JAK1: variants seen among roughly 807,000 people sequenced by gnomAD.
JAK1 encodes Janus kinase 1.
A neutral mutation model predicts 136.6 loss-of-function variants in JAK1; 16 were observed. That is an observed-to-expected ratio of 0.12 (90% CI 0.08 to 0.18). JAK1 has a LOEUF of 0.18. Ranked by LOEUF, JAK1 falls within the 10% of genes least tolerant of loss-of-function variation. The pLI is 1.00. For synonymous variants in JAK1, 492 were observed against 519.5 expected, an observed-to-expected ratio of 0.95 and a Z score of 0.72; for missense variants, 859 against 1,450.1, an observed-to-expected ratio of 0.59 and a Z score of 6.62.
rs138922217 is a variant in JAK1 at position 64,852,074 on chromosome 1, C to T, written c.1649-1164G>A. Among the ~76,000 whole-genome samples the T allele has an allele frequency of 2.6e-4, 40 of 152,326 alleles. 1 individual carries two copies. The highest frequency in any genetic ancestry group is 9.4e-4 in the African/African-American group (39 of 41,556). ...GCCACGTCTCTAATCCCTGCTATCC[C>T]TCAGGACAGGGCATTCTTTTCCTTT... On this transcript the variant is annotated intron_variant, in intron 11 of 24. Coordinates refer to ENST00000342505, the MANE Select transcript of JAK1 (RefSeq NM_002227.4).
At chr1:64,898,744 C>T (rs989124425) in intron 1 of JAK1, among the ~76,000 whole-genome samples, 5 of 152,172 alleles carry the variant, frequency 3.3e-5, no homozygotes, top group African/African-American at 1.2e-4. Flanking sequence ...CAGGAGCTTG[C>T]ATGAATGCTT....
intron 1 of JAK1, among the ~76,000 whole-genome samples, chr1:64,950,355 C>A (rs145166507): frequency 2.0e-5 from 3 of 150,592 alleles, no homozygotes; most frequent in Non-Finnish European, 4.4e-5. Context: ...TGCAGTGAGC[C>A]GAGATCATGC....
In JAK1 at chr1:64,836,091, G is replaced by T; in HGVS notation, c.3258+7C>A. ...TGGATTCAAATGAAGAGAAAAGTAGGACTTACAGCCATGGGACTAGAATCT... is the reference window on the plus strand; with the variant it reads ...TGGATTCAAATGAAGAGAAAAGTAGTACTTACAGCCATGGGACTAGAATCT... On this transcript the variant is annotated splice_region_variant and intron_variant, in intron 23 of 24. Coordinates refer to ENST00000342505, the MANE Select transcript of JAK1 (RefSeq NM_002227.4). 6.7e-7 allele frequency: 1 copy of T among 1,490,490 alleles called. No homozygotes were observed. Among genetic ancestry groups the T allele is most frequent in the African/African-American group, 1.4e-5 (1 of 72,492 alleles). The allele number at this position is 1,490,490 out of a possible 1,614,324, so 92.3% of individuals were successfully genotyped here.
chr1:64,985,712 G>A (rs878960350), intron 2 of JAK1: 10 of 705,358 alleles, frequency 1.4e-5, no homozygotes, highest in Middle Eastern at 3.1e-4. Flanking sequence ...TGCAGAAGAG[G>A]CCAATAACCA....
At chr1:64,976,764 C>T (rs1646500505) in intron 2 of JAK1, among the ~76,000 whole-genome samples, 2 of 152,186 alleles carry the variant, frequency 1.3e-5, no homozygotes, top group African/African-American at 4.8e-5. Flanking sequence ...CCCCTTCCCT[C>T]AGCCTTTTAA....
At chr1:64,913,709 G>GAGGAAGGAAAGA (rs1553168181) in intron 1 of JAK1, among the ~76,000 whole-genome samples, 1 of 21,154 alleles carries the variant, frequency 4.7e-5, no homozygotes, top group Non-Finnish European at 9.9e-5. Context: ...GGAAAGAAGG[G>GAGGAAGGAAAGA]AGGGAGGGAG....
chr1:64,860,257 C>A lies in JAK1; in HGVS notation c.1182G>T (p.Leu394=), dbSNP rs2101074735. Residue 394 remains leucine, a synonymous_variant, in exon 9 of 25, where the codon CTG becomes CTT. Transcript: ENST00000342505. ...AGGCCTCCTCGTGGGAAGAGAGCTT[C>A]AGTTCCTGTTGAGAGAGAAGAAATT... ...INKQDNKKME[L]KLSSHEEALS... is the part of the protein sequence containing the mutation. 6.2e-7 allele frequency: 1 copy of A among 1,603,884 alleles called. No individual in the cohort carries two copies. The highest frequency in any genetic ancestry group is 8.5e-7 in the Non-Finnish European group (1 of 1,173,786).
intron 1 of JAK1, among the ~76,000 whole-genome samples, chr1:64,948,951 A>G (rs528617860): frequency 5.9e-5 from 9 of 152,320 alleles, no homozygotes; most frequent in Non-Finnish European, 1.0e-4. Context: ...AATCTACAGA[A>G]CTTACTGTCC....
intron 1 of JAK1, among the ~76,000 whole-genome samples, chr1:64,934,681 C>T (rs1645757481): frequency 6.6e-6 from 1 of 152,216 alleles, no homozygotes; most frequent in Non-Finnish European, 1.5e-5. Flanking sequence ...AAGTCCAGGT[C>T]AGATGCCTCA....
At chr1:64,839,013 G>A (rs973544243) in intron 20 of JAK1, among the ~76,000 whole-genome samples, 1 of 150,900 alleles carries the variant, frequency 6.6e-6, no homozygotes, top group African/African-American at 2.4e-5. Context: ...GGGCGTGATG[G>A]CGGGCGCCTG....
At chr1:64,871,980 C>A (rs1417274421) in intron 5 of JAK1, among the ~76,000 whole-genome samples, 2 of 152,194 alleles carry the variant, frequency 1.3e-5, no homozygotes, top group Non-Finnish European at 2.9e-5. Context: ...CTACAAGGCT[C>A]TGTGTATGCA....
chr1:65,038,318 C>T (rs1647096427), intron 2 of JAK1, among the ~76,000 whole-genome samples: 1 of 151,262 alleles, frequency 6.6e-6, no homozygotes, highest in African/African-American at 2.4e-5. Flanking sequence ...CCTGCCTCAG[C>T]TTGCTGAGTA....
In JAK1 at chr1:64,984,692, C is replaced by T; in HGVS notation, c.-78+59788G>A. ...TTCCAGATCTATTTGCATCGTGTGC[C>T]TGCCCCTCAAAGGCCTATGTGATAT... On this transcript the variant is annotated intron_variant, in intron 2 of 25. Coordinates refer to the JAK1 transcript ENST00000671954. The surrounding 1 kb of genome is among the most constrained non-coding windows in gnomAD (Gnocchi z 4.1). The T allele has an allele frequency of 1.6e-6, 1 of 634,916 alleles. No individual in the cohort carries two copies. Among genetic ancestry groups the T allele is most frequent in the Non-Finnish European group, 2.8e-6 (1 of 356,958 alleles). 39.3% of individuals were successfully genotyped at this position (634,916 alleles called of 1,614,324 possible).
chr1:65,052,250 T>C (rs1647311777), intron 1 of JAK1, among the ~76,000 whole-genome samples: 1 of 151,822 alleles, frequency 6.6e-6, no homozygotes, highest in African/African-American at 2.4e-5. Flanking sequence ...CACACATTCT[T>C]GTACTTGGCA....
intron 1 of JAK1, among the ~76,000 whole-genome samples, chr1:65,060,004 T>C (rs558567257): frequency 6.6e-6 from 1 of 152,110 alleles, no homozygotes; most frequent in South Asian, 2.1e-4. Context: ...AATGAAACAA[T>C]CCACCTACAC....
intron 4 of JAK1, among the ~76,000 whole-genome samples, chr1:64,875,221 G>A (rs2101175497): frequency 6.6e-6 from 1 of 152,310 alleles, no homozygotes; most frequent in Admixed American, 6.5e-5. Context: ...GGCAGGAGGG[G>A]AAAAAGCACC....
At chr1:64,889,613 T>A (rs1485914096) in intron 1 of JAK1, among the ~76,000 whole-genome samples, 1 of 151,806 alleles carries the variant, frequency 6.6e-6, no homozygotes, top group Non-Finnish European at 1.5e-5. Flanking sequence ...AGGGAAAAAA[T>A]AAAAGAAACA....
chr1:64,886,466 A>C (rs1644853625), intron 1 of JAK1, 125 bp from the exon 2 acceptor site: 2 of 525,896 alleles, frequency 3.8e-6, no homozygotes, highest in Non-Finnish European at 6.3e-6. Flanking sequence ...GAGAGGAAGA[A>C]GGAAAAAAAC....
upstream of JAK1, among the ~76,000 whole-genome samples, chr1:64,970,133 T>TAAAAAAAA (rs1557735828): frequency 5.6e-3 from 3 of 540 alleles, no homozygotes; most frequent in Non-Finnish European, 5.3e-3. Flanking sequence ...AGACCCTGTC[T>TAAAAAAAA]CAAAAAAAAA....
Sources: allele counts gnomAD v4.1 joint callset (sites outside exome capture counted in the v4.1 genomes callset), GRCh38; gene constraint gnomAD v4.1.1; non-coding constraint Gnocchi (gnomAD v3.1); transcripts MANE v1.5; gene names NCBI Gene and HGNC (gene_info 2026-07-23, HGNC 2026-07-21).